Variants in NSD3 observed in about 807,000 individuals in gnomAD.
NSD3 encodes histone-lysine N-methyltransferase NSD3.
NSD3 carries 24 observed loss-of-function variants against 160.8 expected under a neutral mutation model. The ratio of observed to expected loss-of-function variants is 0.15; its 90% CI spans 0.11 to 0.21. The LOEUF (loss-of-function observed/expected upper bound fraction) is 0.21. Ranked by LOEUF, NSD3 falls within the 10% of genes least tolerant of loss-of-function variation. NSD3 has a pLI of 1.00. For missense variants in NSD3, 1,157 were observed against 1,735.9 expected (o/e 0.67, Z 5.93); for synonymous variants, 520 against 600.0 (o/e 0.87, Z 1.95).
At chr8:38,313,787 CAAAAAAAAAA>C (rs547027189) in intron 12 of NSD3, among the ~76,000 whole-genome samples, 1 of 65,404 alleles carries the variant, frequency 1.5e-5, no homozygotes, top group African/African-American at 5.5e-5. Flanking sequence ...GACTCTGTCT[CAAAAAAAAAA>C]AAAAAAAAAT....
At position 38,351,170 on chromosome 8, in the gene NSD3, G is replaced by A. The variant is rs1295905110; in HGVS notation, c.-44-2955C>T. Among the ~76,000 whole-genome samples the A allele has an allele frequency of 2.0e-4, 30 of 148,646 alleles. No homozygotes were observed. The East Asian group carries it at 5.6e-3, about 28-fold the overall frequency. The stretch of plus-strand genomic sequence containing the variant: ...TGTATTTTTTTTTTAGTAGAGACGG[G>A]GTTTCACCGTGTTAGCCAGGATGGT... On this transcript the variant is annotated intron_variant, in intron 1 of 23. Coordinates refer to ENST00000317025, the MANE Select transcript of NSD3 (RefSeq NM_023034.2).
At chr8:38,335,997 A>G (rs1019665635) in intron 4 of NSD3, 4 of 152,222 alleles carry the variant, frequency 2.6e-5, no homozygotes, top group African/African-American at 9.6e-5. Context: ...CACATTGACA[A>G]GACGAAAAAT....
rs1199009230 is a variant in NSD3 at position 38,288,561 on chromosome 8, G to A, written c.3427C>T (p.Leu1143=). 6.2e-7 allele frequency: 1 copy of A among 1,614,030 alleles called. No homozygotes were observed. ...RCQNQCFTKR[L]YPDAEIIKTE... is the part of the protein sequence containing the mutation. ...TTGATGATCTCTGCATCAGGGTATA[G>A]TCTCTTTGTAAAGCACTGGTTCTGA... is the stretch of plus-strand genomic sequence containing the variant. The change falls in exon 19 of 24, where the codon CTA becomes TTA. Residue 1143 remains leucine (L), a synonymous_variant. Transcript: ENST00000317025. The surrounding 1 kb of genome is among the most constrained non-coding windows in gnomAD (Gnocchi z 4.5).
chr8:38,338,685 A>G, intron 2 of NSD3, 78 bp from the exon 3 acceptor site: 2 of 1,113,608 alleles, frequency 1.8e-6, no homozygotes, highest in Non-Finnish European at 2.7e-6. Context: ...ACATACATAA[A>G]AAGAATCAAA....
intron 1 of NSD3, among the ~76,000 whole-genome samples, chr8:38,356,725 A>G (rs926539562): frequency 1.3e-5 from 2 of 152,146 alleles, no homozygotes; most frequent in Non-Finnish European, 2.9e-5. Flanking sequence ...GCTAGATTCT[A>G]CTCTATAGAA....
chr8:38,288,425 T>C lies in NSD3; in HGVS notation c.3501+62A>G, dbSNP rs938846378. On this transcript the variant is annotated intron_variant, in intron 19 of 23. Coordinates refer to ENST00000317025, the MANE Select transcript of NSD3 (RefSeq NM_023034.2). This position sits in a 1 kb window ranked among gnomAD's most constrained non-coding sequence, Gnocchi z 4.5. ...TTTTATCCCTAGAACTATACCCTAC[T>C]GAAGCATTCCTGAAAAGCCAGGTTC... The C allele has an allele frequency of 1.3e-6, 2 of 1,574,816 alleles. No homozygotes were observed. The highest frequency in any genetic ancestry group is 2.7e-5 in the African/African-American group (2 of 73,794).
intron 16 of NSD3, among the ~76,000 whole-genome samples, chr8:38,291,897 T>C (rs1482012977): frequency 2.0e-5 from 3 of 152,170 alleles, no homozygotes; most frequent in Admixed American, 2.0e-4. Flanking sequence ...TGGAAAGAAA[T>C]ACATTAAGAA....
chr8:38,331,964 A>G (rs2150376340), intron 4 of NSD3, among the ~76,000 whole-genome samples: 1 of 152,394 alleles, frequency 6.6e-6, no homozygotes, highest in East Asian at 1.9e-4. Context: ...GTCTCACTCT[A>G]TGGCCCAGGC....
intron 1 of NSD3, 53 bp from the exon 2 acceptor site, chr8:38,348,268 G>C: frequency 1.1e-5 from 15 of 1,379,140 alleles, no homozygotes; most frequent in Non-Finnish European, 1.5e-5. Context: ...ATAGGCTAGA[G>C]GCTAATCAAC....
intron 1 of NSD3, among the ~76,000 whole-genome samples, chr8:38,376,696 C>T (rs1392625912): frequency 6.6e-6 from 1 of 152,134 alleles, no homozygotes; most frequent in Non-Finnish European, 1.5e-5. Context: ...CTTGGCCCCG[C>T]AAAGTGCTGG....
rs916099489 is a variant in NSD3 at position 38,346,306 on chromosome 8, AGTATAT to A, written c.675+1185_675+1190del. On this transcript the variant is annotated intron_variant, in intron 2 of 23. Coordinates refer to ENST00000317025, the MANE Select transcript of NSD3 (RefSeq NM_023034.2). The stretch of plus-strand genomic sequence containing the variant: ...TACATATATAGTATATAGTATATAT[AGTATAT>A]GTATATGTATATATGTATATACACA... 2.0e-3 allele frequency among the ~76,000 whole-genome samples: 294 copies of A among 147,704 alleles called. 1 individual carries two copies. The highest frequency in any genetic ancestry group is 3.6e-3 in the Middle Eastern group (1 of 278).
rs768090181 is a variant in NSD3, at chr8:38,338,586, T to C, written c.697A>G (p.Thr233Ala). The C allele has an allele frequency of 1.2e-6, 2 of 1,613,826 alleles. No individual in the cohort carries two copies. Among genetic ancestry groups the C allele is most frequent in the African/African-American group, 1.3e-5 (1 of 74,922 alleles). The change falls in exon 3 of 24, where the codon ACT becomes GCT. Residue 233 changes from threonine (T) to alanine (A), a missense_variant. Around this residue, in one of 10 missense-constraint regions of NSD3, gnomAD observed 99 missense variants for 151.8 expected, o/e 0.65. Transcript: ENST00000317025. ...TCTTCCCTTGGTTTTTCTGATACAG[T>C]GTCAACCCTCTCATTTGGTCTCTAG... is the stretch of plus-strand genomic sequence containing the variant. ...EQNRPNERVD[T>A]VSEKPREEPV...
At chr8:38,381,502 T>C in intron 1 of NSD3, 1 of 124,314 alleles carries the variant, frequency 8.0e-6, no homozygotes, top group Non-Finnish European at 1.7e-5. Flanking sequence ...CATCCCACTT[T>C]CCCAATTCCC....
intron 1 of NSD3, among the ~76,000 whole-genome samples, chr8:38,352,212 T>C (rs909265578): frequency 6.6e-6 from 1 of 152,152 alleles, no homozygotes; most frequent in African/African-American, 2.4e-5. Flanking sequence ...GAAACAAAGC[T>C]GACAATACAC....
At chr8:38,358,551 A>G (rs984226465) in intron 1 of NSD3, among the ~76,000 whole-genome samples, 1 of 152,146 alleles carries the variant, frequency 6.6e-6, no homozygotes, top group East Asian at 1.9e-4. Context: ...AACATTATTT[A>G]AAAAAATTTT....
Position 38,317,012 on chromosome 8 carries a change from C to G in NSD3, c.1856-970G>C. On this transcript the variant is annotated intron_variant, in intron 9 of 23. Transcript: ENST00000317025. The surrounding 1 kb of genome is among the most constrained non-coding windows in gnomAD (Gnocchi z 5.3). Reference sequence around the variant, plus strand: ...ACAGTTTGTGTTTTGGATTTTTTCCCCCAAAATTTCCATACAACAAACAGA... The same window carrying G: ...ACAGTTTGTGTTTTGGATTTTTTCCGCCAAAATTTCCATACAACAAACAGA... 9.4e-7 allele frequency: 1 copy of G among 1,059,288 alleles called. No individual in the cohort carries two copies. The highest frequency in any genetic ancestry group is 5.2e-5 in the East Asian group (1 of 19,276). 65.6% of individuals were successfully genotyped at this position (1,059,288 alleles called of 1,614,324 possible). A position where few individuals can be genotyped will look rare whatever the true frequency, so the allele number is the denominator to read the frequency against.
Position 38,338,549 on chromosome 8 carries a change from T to G in NSD3, c.734A>C (p.Lys245Thr). 1 of 1,613,898 alleles carries G rather than the reference T, an allele frequency of 6.2e-7. No homozygotes were observed. Among genetic ancestry groups the G allele is most frequent in the Non-Finnish European group, 8.5e-7 (1 of 1,179,842 alleles). The change falls in exon 3 of 24, where the codon AAA (lysine) becomes ACA (threonine). Residue 245 changes from lysine to threonine, a missense_variant. Physicochemically the swap from Lys to Thr is moderately conservative, Grantham distance 78 (BLOSUM62 -1). This residue lies in a region of NSD3 where 99 missense variants were observed against 151.8 expected (regional missense o/e 0.65). Transcript: ENST00000317025. Reference sequence around the variant, plus strand: ...AAAACAACTTACTGGGGCTTCCTCTTTTAGTACTGGTTCTTCCCTTGGTTT... The same window carrying G: ...AAAACAACTTACTGGGGCTTCCTCTGTTAGTACTGGTTCTTCCCTTGGTTT... ...SEKPREEPVLKEEAPVQPILS... is the reference protein window; with the variant it reads ...SEKPREEPVLTEEAPVQPILS...
intron 12 of NSD3, among the ~76,000 whole-genome samples, chr8:38,311,431 A>G (rs1316583081): frequency 6.6e-6 from 1 of 152,084 alleles, no homozygotes; most frequent in Non-Finnish European, 1.5e-5. Flanking sequence ...AGGTTCAACG[A>G]TTCTCCTGCC....
At chr8:38,346,751 T>A (rs529352899) in intron 2 of NSD3, among the ~76,000 whole-genome samples, 26 of 152,274 alleles carry the variant, frequency 1.7e-4, no homozygotes, top group South Asian at 8.3e-4. Flanking sequence ...AGTAAACATT[T>A]CTTTGAACAG....
Sources: allele counts gnomAD v4.1 joint callset (sites outside exome capture counted in the v4.1 genomes callset), GRCh38; gene constraint gnomAD v4.1.1; regional missense constraint gnomAD v4.1.1; non-coding constraint Gnocchi (gnomAD v3.1); transcripts MANE v1.5; gene names NCBI Gene and HGNC (gene_info 2026-07-23, HGNC 2026-07-21).